Variants in LRRIQ1 observed in about 807,000 individuals in gnomAD.
LRRIQ1 encodes leucine-rich repeat- and IQ domain-containing protein 1.
In LRRIQ1, 210 loss-of-function variants were observed where a neutral mutation model predicts 211.9. The observed-to-expected ratio is 0.99, with a 90% CI of 0.89 to 1.11. The LOEUF (loss-of-function observed/expected upper bound fraction) is 1.11. LRRIQ1 is among the 50% of genes most tolerant of loss of function. LRRIQ1 has a pLI of 0.00. For missense variants in LRRIQ1, 2,136 were observed against 1,939.5 expected (o/e 1.10, Z -1.90); for synonymous variants, 699 against 650.1 (o/e 1.08, Z -1.14).
chr12:85,120,934 T>G (rs746428662), intron 15 of LRRIQ1, among the ~76,000 whole-genome samples: 16 of 151,956 alleles, frequency 1.1e-4, no homozygotes, highest in East Asian at 1.9e-4. Context: ...GTTTTTGTTT[T>G]TTTGTTTGTT....
intron 24 of LRRIQ1, among the ~76,000 whole-genome samples, chr12:85,173,640 C>CACACAT (rs1168096613): frequency 6.6e-6 from 1 of 151,982 alleles, no homozygotes; most frequent in Non-Finnish European, 1.5e-5. Flanking sequence ...CACACGCACA[C>CACACAT]ACACATACAC....
intron 18 of LRRIQ1, among the ~76,000 whole-genome samples, chr12:85,133,317 A>G (rs916322576): frequency 6.6e-6 from 1 of 152,172 alleles, no homozygotes; most frequent in African/African-American, 2.4e-5. Flanking sequence ...ATCAGTAAAA[A>G]GTAGAAAAAC....
chr12:85,108,049 G>A (rs1410555182), intron 15 of LRRIQ1, among the ~76,000 whole-genome samples: 1 of 151,754 alleles, frequency 6.6e-6, no homozygotes, highest in East Asian at 1.9e-4. Flanking sequence ...CACTGATTCT[G>A]GATCATATTT....
Position 85,132,713 on chromosome 12 carries a change from G to C in LRRIQ1, c.4209+4680G>C, listed in dbSNP as rs183366837. Among the ~76,000 whole-genome samples the C allele has an allele frequency of 3.9e-5, 6 of 152,018 alleles. No homozygotes were observed. In the East Asian group the frequency reaches 1.2e-3, roughly 29 times the overall value. ...GATGGTCAAGGCTACAGTGAGCCAGGATTGCACCACTGCATTCCAGCCTAG... is the reference window on the plus strand; with the variant it reads ...GATGGTCAAGGCTACAGTGAGCCAGCATTGCACCACTGCATTCCAGCCTAG... On this transcript the variant is annotated intron_variant, in intron 18 of 26. Coordinates refer to ENST00000393217, the MANE Select transcript of LRRIQ1 (RefSeq NM_001079910.2).
rs114914947 is a variant in LRRIQ1, at chr12:85,051,780, C to T, written c.679-397C>T. Among the ~76,000 whole-genome samples, 679 of 152,144 alleles carry T rather than the reference C, an allele frequency of 4.5e-3. 2 individuals are homozygous for T. Among genetic ancestry groups the T allele is most frequent in the African/African-American group, 0.016 (645 of 41,514 alleles). ...TGATAAAAACTTATTGAAAGAAAAC[C>T]ATCACTTACTGAACTGATTTATGTG... On this transcript the variant is annotated intron_variant, in intron 6 of 26. Transcript: ENST00000393217.
chr12:85,152,364 C>G lies in LRRIQ1; in HGVS notation c.4414C>G (p.Pro1472Ala). The change falls in exon 20 of 27, where the codon CCA becomes GCA. Residue 1472 changes from proline to alanine, a missense_variant. Pro to Ala is a conservative substitution (Grantham distance 27). Transcript: ENST00000393217. ...TLLLSNQLHW[P>A]KIPGNLKWDD... Reference sequence around the variant, plus strand: ...GCTTCTTTCAAACCAGCTGCATTGGCCAAAGGTAACATGTCATGGAAACTT... The same window carrying G: ...GCTTCTTTCAAACCAGCTGCATTGGGCAAAGGTAACATGTCATGGAAACTT... 1 of 1,609,688 alleles carries G rather than the reference C, an allele frequency of 6.2e-7. No individual in the cohort carries two copies. Among genetic ancestry groups the G allele is most frequent in the Non-Finnish European group, 8.5e-7 (1 of 1,177,342 alleles).
intron 9 of LRRIQ1, among the ~76,000 whole-genome samples, chr12:85,066,024 T>C (rs992789348): frequency 3.7e-4 from 56 of 151,890 alleles, no homozygotes; most frequent in Non-Finnish European, 5.7e-4. Flanking sequence ...TACATCATGT[T>C]GGCTAATGTT....
In LRRIQ1 at chr12:85,138,556, GA is replaced by G. The variant is rs1389915179; in HGVS notation, c.4329+589del. 2.6e-5 allele frequency among the ~76,000 whole-genome samples: 4 copies of G among 151,574 alleles called. No individual in the cohort carries two copies. The Admixed American group carries it at 2.6e-4, about 10-fold the overall frequency. On this transcript the variant is annotated intron_variant, in intron 19 of 26. Coordinates refer to ENST00000393217, the MANE Select transcript of LRRIQ1 (RefSeq NM_001079910.2). Reference sequence around the variant, plus strand: ...TGTTCTTCTCAATGTATCACTGCAGGAAGGTGATGAAGTTTCTCAGGACATA... The same window carrying G: ...TGTTCTTCTCAATGTATCACTGCAGGAGGTGATGAAGTTTCTCAGGACATA...
At chr12:85,177,018 G>A (rs1021762561) in intron 24 of LRRIQ1, among the ~76,000 whole-genome samples, 9 of 152,052 alleles carry the variant, frequency 5.9e-5, no homozygotes, top group East Asian at 1.9e-4. Flanking sequence ...CCAAACCTAC[G>A]TGATTTTGGT....
At chr12:85,107,619 C>T (rs940615887) in intron 15 of LRRIQ1, among the ~76,000 whole-genome samples, 5 of 151,476 alleles carry the variant, frequency 3.3e-5, no homozygotes, top group African/African-American at 7.3e-5. Context: ...TTTTGTTCTC[C>T]CTTTCACTAC....
chr12:85,152,727 A>G (rs1007894624), intron 20 of LRRIQ1, among the ~76,000 whole-genome samples: 3 of 151,690 alleles, frequency 2.0e-5, no homozygotes, highest in African/African-American at 4.8e-5. Flanking sequence ...TCAGAGGTCA[A>G]TGGACTGCAA....
In LRRIQ1 at chr12:85,172,169, G is replaced by T. The variant is rs553108972; in HGVS notation, c.4822+11455G>T. Among the ~76,000 whole-genome samples the T allele has an allele frequency of 7.9e-5, 12 of 152,276 alleles. 1 individual carries two copies. Among genetic ancestry groups the T allele is most frequent in the African/African-American group, 2.9e-4 (12 of 41,580 alleles). On this transcript the variant is annotated intron_variant, in intron 24 of 26. Coordinates refer to ENST00000393217, the MANE Select transcript of LRRIQ1 (RefSeq NM_001079910.2). Reference sequence around the variant, plus strand: ...AAAGCTTCACAGAGAAAGTAGGGAAGAATAGTAACTTTGGTGAAGTCCATG... The same window carrying T: ...AAAGCTTCACAGAGAAAGTAGGGAATAATAGTAACTTTGGTGAAGTCCATG...
intron 6 of LRRIQ1, among the ~76,000 whole-genome samples, chr12:85,051,938 T>A (rs1282080837): frequency 6.6e-6 from 1 of 152,156 alleles, no homozygotes; most frequent in Non-Finnish European, 1.5e-5. Context: ...CATACTCAAA[T>A]AAATACAACT....
In LRRIQ1 at chr12:85,098,460, G is replaced by T. The variant is rs1368056703; in HGVS notation, c.2993G>T (p.Cys998Phe). ...ACACCTACCATTGTATACCTAGATT[G>T]CTCCCATAATCATCTTACTGATGTA... ...CDTPTIVYLD[C>F]SHNHLTDVEG... Residue 998 changes from cysteine to phenylalanine, a missense_variant, in exon 12 of 27, where the codon TGC becomes TTC. By Grantham distance (205) the Cys-to-Phe change is radical (BLOSUM62 -2). Coordinates refer to ENST00000393217, the MANE Select transcript of LRRIQ1 (RefSeq NM_001079910.2). 1 of 1,611,480 alleles carries T rather than the reference G, an allele frequency of 6.2e-7. No homozygotes were observed. The highest frequency in any genetic ancestry group is 8.5e-7 in the Non-Finnish European group (1 of 1,178,654).
intron 11 of LRRIQ1, among the ~76,000 whole-genome samples, chr12:85,090,327 G>A (rs1184464395): frequency 6.6e-6 from 1 of 152,124 alleles, no homozygotes; most frequent in Non-Finnish European, 1.5e-5. Flanking sequence ...CTCTACTGAG[G>A]CACTACCTAG....
At chr12:85,152,401 A>C (rs1352656498) in intron 20 of LRRIQ1, 32 bp downstream of exon 20, 6 of 1,520,786 alleles carry the variant, frequency 3.9e-6, no homozygotes, top group Middle Eastern at 3.4e-4. Context: ...TGAGTCCTCG[A>C]TCTTTGCTCA....
intron 24 of LRRIQ1, among the ~76,000 whole-genome samples, chr12:85,164,993 A>T (rs976697851): frequency 2.6e-5 from 4 of 152,126 alleles, no homozygotes; most frequent in African/African-American, 9.7e-5. Flanking sequence ...TTAGGATATC[A>T]TTTAGTGCCA....
intron 1 of LRRIQ1, among the ~76,000 whole-genome samples, chr12:85,262,133 T>C (rs1896318672): frequency 6.6e-6 from 1 of 152,150 alleles, no homozygotes; most frequent in Admixed American, 6.6e-5. Context: ...GGGGTCTTAC[T>C]GAGTAAACAT....
intron 24 of LRRIQ1, among the ~76,000 whole-genome samples, chr12:85,192,960 AATATAATT>A (rs1565894821): frequency 6.9e-5 from 6 of 87,090 alleles, no homozygotes; most frequent in Admixed American, 1.9e-4. Context: ...ATAATTATAT[AATATAATT>A]ATATATAAAT....
Sources: gnomAD v4.1 joint callset for allele counts (sites outside exome capture counted in the v4.1 genomes callset) on GRCh38, gnomAD v4.1.1 for gene constraint, MANE v1.5 for transcripts, NCBI Gene and HGNC (gene_info 2026-07-23, HGNC 2026-07-21) for gene names.